TFDP2: variants seen among roughly 807,000 people sequenced by gnomAD.
The protein encoded by TFDP2 is transcription factor Dp-2.
Under a neutral mutation model 59.3 loss-of-function variants are expected in TFDP2, and 17 were observed. The observed-to-expected ratio is 0.29, with a 90% CI of 0.20 to 0.43. The LOEUF (loss-of-function observed/expected upper bound fraction) is 0.43. Among genes scored for constraint, TFDP2 ranks in the 20% least tolerant of loss-of-function variants. The pLI is 1.00. For synonymous variants in TFDP2, 180 were observed against 194.7 expected, an observed-to-expected ratio of 0.92 and a Z score of 0.63; for missense variants, 391 against 528.8, an observed-to-expected ratio of 0.74 and a Z score of 2.56.
intron 3 of TFDP2, among the ~76,000 whole-genome samples, chr3:142,055,937 G>A (rs1364524872): frequency 1.6e-5 from 2 of 122,758 alleles, no homozygotes; most frequent in African/African-American, 3.0e-5. Context: ...CATTTATTAA[G>A]TACCTTTTTT....
At chr3:142,075,291 CT>C (rs1470384261) in intron 3 of TFDP2, among the ~76,000 whole-genome samples, 1 of 152,148 alleles carries the variant, frequency 6.6e-6, no homozygotes, top group African/African-American at 2.4e-5. Flanking sequence ...AAGAAAATAT[CT>C]GCAAATGATA....
At chr3:142,023,579 C>T (rs922518809) in intron 3 of TFDP2, among the ~76,000 whole-genome samples, 5 of 152,126 alleles carry the variant, frequency 3.3e-5, no homozygotes, top group Non-Finnish European at 7.4e-5. Flanking sequence ...CAAAGCAGTT[C>T]TTCTCCTTAG....
intron 2 of TFDP2, 94 bp from the exon 3 acceptor site, chr3:142,093,221 T>A (rs1049693393): frequency 7.0e-6 from 5 of 713,510 alleles, no homozygotes; most frequent in Non-Finnish European, 1.1e-5. Context: ...GACATCCATA[T>A]CAAATATATA....
At chr3:141,956,882 G>A (rs993960715) in intron 11 of TFDP2, among the ~76,000 whole-genome samples, 7 of 150,400 alleles carry the variant, frequency 4.7e-5, no homozygotes, top group East Asian at 4.0e-4. Flanking sequence ...CAGAGATTGC[G>A]CCACTGCACT....
intron 1 of TFDP2, among the ~76,000 whole-genome samples, chr3:142,102,157 A>G (rs925450071): frequency 6.6e-5 from 10 of 152,346 alleles, no homozygotes; most frequent in African/African-American, 2.4e-4. Context: ...GGCTGATTCT[A>G]GTACAAGATA....
In TFDP2 at chr3:141,952,105, A is replaced by G. The variant is rs1935994400; in HGVS notation, c.*408T>C. On this transcript the variant is annotated 3_prime_UTR_variant, in exon 13 of 13. Coordinates refer to ENST00000489671, the MANE Select transcript of TFDP2 (RefSeq NM_001178139.2). ...CTTGTCAAAGGCAGTCCAGGCAAGG[A>G]AGAGAAACGTCAGAAACACGATCGT... The G allele has an allele frequency of 6.5e-6, 1 of 154,692 alleles. No homozygotes were observed. Among genetic ancestry groups the G allele is most frequent in the African/African-American group, 2.4e-5 (1 of 41,488 alleles). The allele number at this position is 154,692 out of a possible 1,614,324, so 9.6% of individuals were successfully genotyped here.
chr3:142,030,608 C>T (rs1223873121), intron 3 of TFDP2, among the ~76,000 whole-genome samples: 3 of 152,178 alleles, frequency 2.0e-5, no homozygotes, highest in African/African-American at 4.8e-5. Context: ...CCTGTCAGAT[C>T]AGCTAGAAGT....
At chr3:141,973,064 C>G (rs920761354) in intron 8 of TFDP2, among the ~76,000 whole-genome samples, 1 of 136,366 alleles carries the variant, frequency 7.3e-6, no homozygotes, top group African/African-American at 2.7e-5. Flanking sequence ...AAACAGGAAA[C>G]CAATCTTAAT....
In TFDP2 at chr3:142,128,481, G is replaced by T. The variant is rs150414056; in HGVS notation, c.-93+20702C>A. 1.7e-3 allele frequency among the ~76,000 whole-genome samples: 264 copies of T among 152,260 alleles called. 3 individuals are homozygous for T. Among genetic ancestry groups the T allele is most frequent in the African/African-American group, 6.0e-3 (250 of 41,534 alleles). On this transcript the variant is annotated intron_variant, in intron 1 of 12. Transcript: ENST00000489671. Reference sequence around the variant, plus strand: ...CAAGCACTCAATCACCCTGTGTAAGGCTTACACTTAACAACTCCCATGGAC... The same window carrying T: ...CAAGCACTCAATCACCCTGTGTAAGTCTTACACTTAACAACTCCCATGGAC...
Position 141,977,129 on chromosome 3 carries a change from C to T in TFDP2, c.519+1391G>A, listed in dbSNP as rs201391576. 2.1e-3 allele frequency among the ~76,000 whole-genome samples: 202 copies of T among 94,200 alleles called. 1 individual carries two copies. Among genetic ancestry groups the T allele is most frequent in the African/African-American group, 5.6e-3 (137 of 24,380 alleles). 61.8% of individuals were successfully genotyped at this position (94,200 alleles called of 152,430 possible). ...ATATTTTTTTTTTTTTTTTTTTTTT[C>T]CCCCCAAAGAGACGAAGTCTTGCTT... On this transcript the variant is annotated intron_variant, in intron 7 of 12. Transcript: ENST00000489671.
chr3:142,023,106 G>C (rs1180575496), intron 3 of TFDP2, among the ~76,000 whole-genome samples: 1 of 113,986 alleles, frequency 8.8e-6, no homozygotes, highest in Non-Finnish European at 1.7e-5. Context: ...GCAACGCAGT[G>C]AGACTCCCTC....
At chr3:142,041,635 A>G (rs1158068211) in intron 3 of TFDP2, among the ~76,000 whole-genome samples, 3 of 152,226 alleles carry the variant, frequency 2.0e-5, no homozygotes, top group Admixed American at 6.5e-5. Flanking sequence ...GTATTTCTTC[A>G]TAGCAGTATG....
intron 3 of TFDP2, among the ~76,000 whole-genome samples, chr3:142,023,382 G>C (rs902200537): frequency 1.3e-5 from 2 of 151,462 alleles, no homozygotes; most frequent in African/African-American, 4.8e-5. Context: ...GTAGAGACAG[G>C]GTTTCGCCAT....
chr3:142,132,680 G>T (rs1013366849), intron 1 of TFDP2, among the ~76,000 whole-genome samples: 3 of 147,940 alleles, frequency 2.0e-5, no homozygotes, highest in Non-Finnish European at 4.4e-5. Context: ...GGGAGGCAGA[G>T]GTTGCAGTGA....
chr3:142,071,055 A>T (rs148511456), intron 3 of TFDP2, among the ~76,000 whole-genome samples: 10 of 152,316 alleles, frequency 6.6e-5, no homozygotes, highest in African/African-American at 2.2e-4. Flanking sequence ...AAGGCTAAAT[A>T]AGACAGAGAA....
intron 3 of TFDP2, among the ~76,000 whole-genome samples, chr3:142,026,419 G>C (rs879940828): frequency 3.3e-5 from 5 of 152,090 alleles, no homozygotes; most frequent in Non-Finnish European, 7.4e-5. Context: ...CTTGAATGTT[G>C]ATATCTTTTC....
At chr3:142,032,333 AG>A (rs1946472057) in intron 3 of TFDP2, among the ~76,000 whole-genome samples, 1 of 152,102 alleles carries the variant, frequency 6.6e-6, no homozygotes, top group Admixed American at 6.6e-5. Context: ...CCTAGGCTCA[AG>A]TGATCCTCCT....
chr3:141,992,022 A>C (rs1942827551), intron 6 of TFDP2, among the ~76,000 whole-genome samples: 1 of 149,568 alleles, frequency 6.7e-6, no homozygotes, highest in Admixed American at 6.7e-5. Flanking sequence ...AGCTTGGGAG[A>C]CAGAGGAAGA....
intron 3 of TFDP2, among the ~76,000 whole-genome samples, chr3:142,008,993 C>T (rs1944433709): frequency 6.6e-6 from 1 of 152,172 alleles, no homozygotes. Context: ...AAAGCCTCTG[C>T]TCTATGCATC....
Sources: allele counts gnomAD v4.1 joint callset (sites outside exome capture counted in the v4.1 genomes callset), GRCh38; gene constraint gnomAD v4.1.1; transcripts MANE v1.5; gene names NCBI Gene and HGNC (gene_info 2026-07-23, HGNC 2026-07-21).